TNNI3K: variants seen among roughly 807,000 people sequenced by gnomAD.
The protein encoded by TNNI3K is TNNI3 interacting kinase.
A neutral mutation model predicts 114.5 loss-of-function variants in TNNI3K; 140 were observed. The observed-to-expected ratio is 1.22, with a 90% confidence interval of 1.07 to 1.41. TNNI3K has a LOEUF of 1.41. Among genes scored for constraint, TNNI3K ranks in the 40% most tolerant of loss-of-function variants. TNNI3K has a pLI of 0.00. For missense variants in TNNI3K, 1,125 were observed against 1,007.6 expected (o/e 1.12, Z -1.58); for synonymous variants, 347 against 347.5 (o/e 1.00, Z 0.02).
chr1:74,473,281 C>T (rs968966770), intron 21 of TNNI3K, among the ~76,000 whole-genome samples: 1 of 152,008 alleles, frequency 6.6e-6, no homozygotes, highest in African/African-American at 2.4e-5. Flanking sequence ...AATGCTTTCC[C>T]GTAGTCACAC....
chr1:74,284,574 A>C (rs997408881), intron 5 of TNNI3K, among the ~76,000 whole-genome samples: 22 of 152,230 alleles, frequency 1.4e-4, no homozygotes. Context: ...AAAGGATGGA[A>C]CTTTTAAGCA....
Position 74,289,533 on chromosome 1 carries a change from ATCTTTGTT to A in TNNI3K, c.444+17827_444+17834del, listed in dbSNP as rs1657549574. On this transcript the variant is annotated intron_variant, in intron 5 of 24. Coordinates refer to ENST00000326637, the MANE Select transcript of TNNI3K (RefSeq NM_015978.3). Reference sequence around the variant, plus strand: ...ATGCCTCTCTCTATGACTTTTCCCAATCTTTGTTTTAATCAATAATCTTGTCTCCAGTC... The same window carrying A: ...ATGCCTCTCTCTATGACTTTTCCCAATTAATCAATAATCTTGTCTCCAGTC... Among the ~76,000 whole-genome samples the A allele has an allele frequency of 6.1e-4, 2 of 3,276 alleles. 1 individual carries two copies. Among genetic ancestry groups the A allele is most frequent in the Non-Finnish European group, 1.3e-3 (2 of 1,542 alleles). The allele number at this position is 3,276 out of a possible 152,430, so 2.1% of individuals were successfully genotyped here. A position where few individuals can be genotyped will look rare whatever the true frequency, so the allele number is the denominator to read the frequency against.
intron 5 of TNNI3K, among the ~76,000 whole-genome samples, chr1:74,278,151 A>G (rs1352793221): frequency 1.3e-5 from 2 of 151,670 alleles, no homozygotes; most frequent in African/African-American, 2.4e-5. Context: ...CTTATTTTTA[A>G]TTTTTTAGAG....
In TNNI3K at chr1:74,342,867, T is replaced by G. The variant is rs755743567; in HGVS notation, c.708T>G (p.His236Gln). 7.4e-6 allele frequency: 12 copies of G among 1,613,348 alleles called. No homozygotes were observed. The highest frequency in any genetic ancestry group is 1.0e-5 in the Non-Finnish European group (12 of 1,179,856). The change falls in exon 8 of 25, where the codon CAT becomes CAG. Residue 236 changes from histidine (H) to glutamine (Q), a missense_variant. Transcript: ENST00000326637. ...TGAATGCTCAAGATAATGAAGACCA[T>G]GTCCCACTCCATTTCTGTTCTCGAT... ...ADVNAQDNED[H>Q]VPLHFCSRFG... is the part of the protein sequence containing the mutation.
chr1:74,437,432 A>G (rs1197694362), intron 19 of TNNI3K, among the ~76,000 whole-genome samples: 1 of 152,078 alleles, frequency 6.6e-6, no homozygotes, highest in Non-Finnish European at 1.5e-5. Context: ...GATGAGTGTT[A>G]TGAAGAAAAA....
chr1:74,271,133 G>GTACCA (rs1656321000), intron 4 of TNNI3K, among the ~76,000 whole-genome samples: 3 of 151,904 alleles, frequency 2.0e-5, no homozygotes, highest in African/African-American at 7.2e-5. Flanking sequence ...AGCCTACTGG[G>GTACCA]CTGCATGTAC....
chr1:74,427,702 A>C lies in TNNI3K; in HGVS notation c.1773-8378A>C, dbSNP rs113218954. ...CGTCACTTCAGCATTCAAAAATGTT[A>C]CATTTTGCAGTTTGCATACCTAAGA... On this transcript the variant is annotated intron_variant, in intron 17 of 24. Transcript: ENST00000326637. 8.6e-3 allele frequency among the ~76,000 whole-genome samples: 1,306 copies of C among 152,242 alleles called. 13 individuals carry two copies. The highest frequency in any genetic ancestry group is 0.012 in the Non-Finnish European group (824 of 67,982).
intron 21 of TNNI3K, among the ~76,000 whole-genome samples, chr1:74,463,756 T>G (rs1193198148): frequency 1.3e-5 from 2 of 152,232 alleles, no homozygotes; most frequent in African/African-American, 4.8e-5. Flanking sequence ...TTTGAAACGT[T>G]TCTCACAACT....
In TNNI3K at chr1:74,369,595, T is replaced by C; in HGVS notation, c.1667+10T>C. ...TTCATGAGCAGAAGAGGTATGGGTC[T>C]TTTGTTCTGATTTATCCTTGGACAT... On this transcript the variant is annotated intron_variant, in intron 16 of 24. Coordinates refer to ENST00000326637, the MANE Select transcript of TNNI3K (RefSeq NM_015978.3). The C allele has an allele frequency of 1.3e-6, 2 of 1,589,588 alleles. No homozygotes were observed. Among genetic ancestry groups the C allele is most frequent in the Non-Finnish European group, 1.7e-6 (2 of 1,169,702 alleles).
chr1:74,391,262 C>A (rs1441996951), intron 17 of TNNI3K, among the ~76,000 whole-genome samples: 5 of 152,030 alleles, frequency 3.3e-5, no homozygotes, highest in African/African-American at 7.3e-5. Context: ...CTAGAATATT[C>A]TGAATGTATT....
chr1:74,473,476 T>TGCAAAACATCTTAACC (rs1668037264), intron 21 of TNNI3K, among the ~76,000 whole-genome samples: 3 of 152,130 alleles, frequency 2.0e-5, no homozygotes, highest in African/African-American at 7.2e-5. Context: ...AAATCTTAAC[T>TGCAAAACATCTTAACC]GCAAAACATC....
chr1:74,541,815 C>T (rs1023147719), intron 24 of TNNI3K, among the ~76,000 whole-genome samples: 1 of 152,208 alleles, frequency 6.6e-6, no homozygotes, highest in South Asian at 2.1e-4. Context: ...CATTCGATAT[C>T]TCCCATTAGG....
Position 74,436,536 on chromosome 1 carries a change from T to C in TNNI3K, c.1878+10T>C, listed in dbSNP as rs199892485. 2.8e-4 allele frequency: 440 copies of C among 1,583,082 alleles called. 5 individuals are homozygous for C. In the East Asian group the frequency reaches 8.0e-3, roughly 29 times the overall value. On this transcript the variant is annotated intron_variant, in intron 19 of 24. Coordinates refer to ENST00000326637, the MANE Select transcript of TNNI3K (RefSeq NM_015978.3). ...GACAAAACAACCTGGGGTTTGCTGC[T>C]GCTTGTGTTTCCTATAATTATAAAC...
intron 5 of TNNI3K, among the ~76,000 whole-genome samples, chr1:74,276,754 C>T (rs1467721301): frequency 6.6e-6 from 1 of 152,074 alleles, no homozygotes; most frequent in Non-Finnish European, 1.5e-5. Context: ...CCATTAGTGT[C>T]TCAAGTGTGT....
intron 5 of TNNI3K, among the ~76,000 whole-genome samples, chr1:74,294,783 C>T (rs1159455536): frequency 6.6e-6 from 1 of 151,980 alleles, no homozygotes; most frequent in African/African-American, 2.4e-5. Flanking sequence ...TATTTTTCCT[C>T]AGGTATCTGG....
intron 2 of TNNI3K, among the ~76,000 whole-genome samples, chr1:74,243,088 C>G (rs904597110): frequency 5.9e-5 from 9 of 152,066 alleles, no homozygotes; most frequent in African/African-American, 2.2e-4. Context: ...TTTATAAAAG[C>G]TTTACAAGCT....
chr1:74,307,624 G>A (rs1345503104), intron 5 of TNNI3K, among the ~76,000 whole-genome samples: 2 of 152,126 alleles, frequency 1.3e-5, no homozygotes, highest in South Asian at 4.1e-4. Context: ...ATTGGAGGGA[G>A]CATGCTTATT....
chr1:74,463,652 C>A, intron 21 of TNNI3K, 102 bp downstream of exon 21: 1 of 1,331,984 alleles, frequency 7.5e-7, no homozygotes, highest in Non-Finnish European at 1.1e-6. Flanking sequence ...TTAAGACTGT[C>A]AAGGCGGGAA....
chr1:74,437,218 C>T (rs1436192253), intron 19 of TNNI3K, among the ~76,000 whole-genome samples: 1 of 151,958 alleles, frequency 6.6e-6, no homozygotes, highest in South Asian at 2.1e-4. Context: ...TCATCTTAAC[C>T]TCTTAAACCT....
Sources: allele counts gnomAD v4.1 joint callset (sites outside exome capture counted in the v4.1 genomes callset), GRCh38; gene constraint gnomAD v4.1.1; transcripts MANE v1.5; gene names NCBI Gene and HGNC (gene_info 2026-07-23, HGNC 2026-07-21).